The following GOLM2 variants were observed in gnomAD, a reference collection of about 807,000 sequenced individuals.
The protein encoded by GOLM2 is protein GOLM2.
GOLM2 carries 26 observed loss-of-function variants against 55.9 expected under a neutral mutation model. That is an observed-to-expected ratio of 0.47 (90% CI 0.34 to 0.65). The LOEUF (loss-of-function observed/expected upper bound fraction) is 0.65. Among genes scored for constraint, GOLM2 ranks in the 30% least tolerant of loss-of-function variants. The pLI, the probability that GOLM2 is intolerant of heterozygous loss-of-function variation, is 0.01. For synonymous variants in GOLM2, 165 were observed against 194.6 expected, an observed-to-expected ratio of 0.85 and a Z score of 1.27; for missense variants, 486 against 531.8, an observed-to-expected ratio of 0.91 and a Z score of 0.85.
intron 6 of GOLM2, among the ~76,000 whole-genome samples, chr15:44,353,605 A>T (rs1361052425): frequency 6.6e-6 from 1 of 152,222 alleles, no homozygotes; most frequent in East Asian, 1.9e-4. Flanking sequence ...CTTAAAAAAG[A>T]ATGAGATCCT....
intron 4 of GOLM2, among the ~76,000 whole-genome samples, chr15:44,336,895 G>A (rs2079060993): frequency 5.3e-5 from 8 of 152,152 alleles, no homozygotes; most frequent in Admixed American, 3.9e-4. Flanking sequence ...CAGCCTGGGC[G>A]ACAAAGCAAG....
At chr15:44,360,434 C>T in intron 6 of GOLM2, among the ~76,000 whole-genome samples, 1 of 151,956 alleles carries the variant, frequency 6.6e-6, no homozygotes, top group East Asian at 1.9e-4. Context: ...TTTAAACCAA[C>T]AAAGATCAAA....
At chr15:44,301,786 C>T (rs78365369) in intron 1 of GOLM2, among the ~76,000 whole-genome samples, 6,930 of 151,978 alleles carry the variant, frequency 0.046, 262 homozygotes, top group East Asian at 0.19. Flanking sequence ...GTGCCACATG[C>T]CTATAATCCC....
intron 6 of GOLM2, among the ~76,000 whole-genome samples, chr15:44,365,806 C>G (rs1469806267): frequency 6.6e-6 from 1 of 152,028 alleles, no homozygotes; most frequent in African/African-American, 2.4e-5. Flanking sequence ...ATGTACAACA[C>G]CAAGAATGAA....
At chr15:44,312,614 T>G (rs1253534586) in intron 1 of GOLM2, among the ~76,000 whole-genome samples, 3 of 152,164 alleles carry the variant, frequency 2.0e-5, no homozygotes, top group Non-Finnish European at 4.4e-5. Flanking sequence ...CCTCTTATAT[T>G]CACCCTCTCA....
chr15:44,412,630 G>A (rs1456390378), intron 9 of GOLM2, among the ~76,000 whole-genome samples: 1 of 152,020 alleles, frequency 6.6e-6, no homozygotes, highest in African/African-American at 2.4e-5. Flanking sequence ...AAAAATTGAT[G>A]TTTAAAAGCC....
At chr15:44,364,727 A>G (rs751617537) in intron 6 of GOLM2, among the ~76,000 whole-genome samples, 12 of 152,068 alleles carry the variant, frequency 7.9e-5, no homozygotes, top group Non-Finnish European at 1.5e-4. Flanking sequence ...AAACAACTTG[A>G]TTAAAAAATG....
chr15:44,368,228 C>A (rs2079299430), intron 6 of GOLM2, among the ~76,000 whole-genome samples: 1 of 151,750 alleles, frequency 6.6e-6, no homozygotes, highest in Non-Finnish European at 1.5e-5. Context: ...ACCTTCACCT[C>A]CCGGGTTCAG....
Position 44,364,114 on chromosome 15 carries a change from C to A in GOLM2, c.803-15576C>A, listed in dbSNP as rs549653307. ...TGCTAGTTGACGAGTTAGTGGGTGCCGCGCACCAGCATGTCACATGTATAT... is the reference window on the plus strand; with the variant it reads ...TGCTAGTTGACGAGTTAGTGGGTGCAGCGCACCAGCATGTCACATGTATAT... On this transcript the variant is annotated intron_variant, in intron 6 of 9. Transcript: ENST00000299957. Among the ~76,000 whole-genome samples, 252 of 152,066 alleles carry A rather than the reference C, an allele frequency of 1.7e-3. 1 individual carries two copies. Among genetic ancestry groups the A allele is most frequent in the African/African-American group, 5.9e-3 (244 of 41,460 alleles).
At chr15:44,371,286 A>G (rs967343895) in intron 6 of GOLM2, among the ~76,000 whole-genome samples, 4 of 152,160 alleles carry the variant, frequency 2.6e-5, no homozygotes, top group African/African-American at 9.7e-5. Context: ...CAGCTGCCTC[A>G]TGTATTTTTC....
At chr15:44,361,318 AAGAG>A (rs1473195875) in intron 6 of GOLM2, among the ~76,000 whole-genome samples, 14 of 152,250 alleles carry the variant, frequency 9.2e-5, no homozygotes, top group Non-Finnish European at 1.6e-4. Context: ...ATAAAGAAAA[AAGAG>A]AGAAGAATCA....
chr15:44,307,036 G>A (rs2078842006), intron 1 of GOLM2, among the ~76,000 whole-genome samples: 1 of 152,044 alleles, frequency 6.6e-6, no homozygotes, highest in South Asian at 2.1e-4. Flanking sequence ...ATGTGACATA[G>A]GGACATGAAG....
chr15:44,399,280 T>C (rs2079549586), intron 8 of GOLM2, among the ~76,000 whole-genome samples: 1 of 152,212 alleles, frequency 6.6e-6, no homozygotes, highest in African/African-American at 2.4e-5. Context: ...TCTCCTTAAC[T>C]TGATTGGCAA....
intron 6 of GOLM2, among the ~76,000 whole-genome samples, chr15:44,340,094 T>C (rs2079081208): frequency 6.6e-6 from 1 of 152,114 alleles, no homozygotes; most frequent in African/African-American, 2.4e-5. Flanking sequence ...AATGCAGGGA[T>C]TACAAGCATC....
At chr15:44,374,349 C>T (rs1006384104) in intron 6 of GOLM2, among the ~76,000 whole-genome samples, 2 of 151,788 alleles carry the variant, frequency 1.3e-5, no homozygotes, top group African/African-American at 4.8e-5. Context: ...TCTTGCATTG[C>T]TATAAAGAAT....
intron 6 of GOLM2, among the ~76,000 whole-genome samples, chr15:44,343,792 C>T (rs1056706557): frequency 5.3e-5 from 8 of 150,042 alleles, no homozygotes; most frequent in African/African-American, 2.0e-4. Context: ...CCACTACACT[C>T]CAGCCTGAAC....
chr15:44,366,408 A>G (rs2079285852), intron 6 of GOLM2, among the ~76,000 whole-genome samples: 1 of 152,052 alleles, frequency 6.6e-6, no homozygotes, highest in South Asian at 2.1e-4. Context: ...TTGGGAGGCT[A>G]AGGCAGGAGG....
intron 1 of GOLM2, among the ~76,000 whole-genome samples, chr15:44,317,605 G>C (rs558505626): frequency 1.1e-4 from 17 of 152,042 alleles, no homozygotes; most frequent in Non-Finnish European, 1.8e-4. Context: ...TGCTTCCCCT[G>C]TAGCTTTCCC....
intron 8 of GOLM2, among the ~76,000 whole-genome samples, chr15:44,393,982 C>T (rs771411515): frequency 4.6e-5 from 7 of 152,142 alleles, no homozygotes; most frequent in South Asian, 2.1e-4. Flanking sequence ...CATGAGCCAC[C>T]GTGCCCGACC....
Sources: allele counts gnomAD v4.1 joint callset (sites outside exome capture counted in the v4.1 genomes callset), GRCh38; gene constraint gnomAD v4.1.1; transcripts MANE v1.5; gene names NCBI Gene and HGNC (gene_info 2026-07-23, HGNC 2026-07-21).